The following WWTR1 variants were observed in gnomAD, a reference collection of about 807,000 sequenced individuals.
The protein encoded by WWTR1 is WW domain-containing transcription regulator protein 1.
WWTR1 carries 13 observed loss-of-function variants against 40.1 expected under a neutral mutation model. The ratio of observed to expected loss-of-function variants is 0.32; its 90% CI spans 0.21 to 0.52. The LOEUF (loss-of-function observed/expected upper bound fraction) is 0.52, where lower values mean the gene tolerates loss of function less well. Ranked by LOEUF, WWTR1 falls within the 20% of genes least tolerant of loss-of-function variation. The pLI is 0.97. For synonymous variants in WWTR1, 230 were observed against 210.1 expected, an observed-to-expected ratio of 1.09 and a Z score of -0.82; for missense variants, 436 against 523.1, an observed-to-expected ratio of 0.83 and a Z score of 1.63.
At chr3:149,610,024 G>A (rs1395305061) in intron 2 of WWTR1, among the ~76,000 whole-genome samples, 1 of 152,142 alleles carries the variant, frequency 6.6e-6, no homozygotes, top group Non-Finnish European at 1.5e-5. Flanking sequence ...GAAGGGCTCA[G>A]GCAGAAGAAA....
intron 2 of WWTR1, among the ~76,000 whole-genome samples, chr3:149,652,217 T>C (rs111566853): frequency 4.0e-4 from 61 of 152,036 alleles, no homozygotes; most frequent in African/African-American, 1.4e-3. Context: ...ATACAGGTTA[T>C]GGGTTCAGGG....
At chr3:149,549,230 G>A (rs1010913462) in intron 3 of WWTR1, among the ~76,000 whole-genome samples, 2 of 152,138 alleles carry the variant, frequency 1.3e-5, no homozygotes, top group African/African-American at 4.8e-5. Flanking sequence ...GAGTTGGGGG[G>A]CAACATTACT....
upstream of WWTR1, among the ~76,000 whole-genome samples, chr3:149,706,049 G>A (rs555046735): frequency 6.6e-6 from 1 of 152,172 alleles, no homozygotes; most frequent in East Asian, 1.9e-4. Context: ...AAATTAGCCA[G>A]GTGTGGTGGC....
At chr3:149,660,531 A>G (rs1455095269), upstream of WWTR1, among the ~76,000 whole-genome samples, 1 of 152,266 alleles carries the variant, frequency 6.6e-6, no homozygotes, top group Non-Finnish European at 1.5e-5. Context: ...GAATAATTCA[A>G]AAGATTTGCT....
At chr3:149,714,040 G>A (rs929845538) in intron 5 of WWTR1, among the ~76,000 whole-genome samples, 1 of 152,258 alleles carries the variant, frequency 6.6e-6, no homozygotes, top group Non-Finnish European at 1.5e-5. Context: ...GGCAGCCGCC[G>A]TGATGGGGCC....
intron 3 of WWTR1, among the ~76,000 whole-genome samples, chr3:149,543,908 TA>T (rs895408140): frequency 2.7e-5 from 4 of 149,946 alleles, no homozygotes; most frequent in East Asian, 3.9e-4. Flanking sequence ...AATATATGTA[TA>T]TTTTTTATAA....
intron 4 of WWTR1, among the ~76,000 whole-genome samples, chr3:149,541,280 C>T (rs1282936138): frequency 6.6e-6 from 1 of 152,212 alleles, no homozygotes; most frequent in African/African-American, 2.4e-5. Flanking sequence ...ATAGACCAAG[C>T]CACTGAAACA....
intron 1 of WWTR1, among the ~76,000 whole-genome samples, chr3:149,688,678 A>T (rs1346554459): frequency 6.6e-6 from 1 of 152,204 alleles, no homozygotes. Flanking sequence ...ATGTGAGTGC[A>T]AACAAGCCCA....
chr3:149,717,867 C>G (rs117130270), intron 4 of WWTR1, among the ~76,000 whole-genome samples: 2,096 of 152,084 alleles, frequency 0.014, 29 homozygotes, highest in East Asian at 0.063. Context: ...CTACTACTCA[C>G]AAGTAGTAAA....
At chr3:149,683,796 G>C (rs1194774724) in intron 1 of WWTR1, among the ~76,000 whole-genome samples, 1 of 152,234 alleles carries the variant, frequency 6.6e-6, no homozygotes, top group African/African-American at 2.4e-5. Flanking sequence ...AAGGGGGTGT[G>C]ACAGCCAAGG....
chr3:149,523,767 A>G (rs776321645), intron 6 of WWTR1, among the ~76,000 whole-genome samples: 2 of 152,120 alleles, frequency 1.3e-5, no homozygotes, highest in Non-Finnish European at 2.9e-5. Flanking sequence ...TTCTAGCCAC[A>G]CTTGAGCTCT....
chr3:149,542,931 G>T (rs778094825), intron 3 of WWTR1, among the ~76,000 whole-genome samples: 1 of 152,112 alleles, frequency 6.6e-6, no homozygotes, highest in Non-Finnish European at 1.5e-5. Flanking sequence ...CAGTTAATTT[G>T]TGTGTTTATG....
intron 4 of WWTR1, 68 bp from the exon 5 acceptor site, chr3:149,528,037 A>C: frequency 6.5e-7 from 1 of 1,542,464 alleles, no homozygotes; most frequent in Non-Finnish European, 8.7e-7. Context: ...AGTGTACTTC[A>C]CATCAAAACT....
At chr3:149,542,283 G>A in intron 4 of WWTR1, 52 bp downstream of exon 4, 1 of 1,580,950 alleles carries the variant, frequency 6.3e-7, no homozygotes, top group Non-Finnish European at 8.6e-7. Context: ...CTACCCATCA[G>A]CTTTGGCACC....
chr3:149,689,397 A>AT (rs1382831195), intron 1 of WWTR1, among the ~76,000 whole-genome samples: 1 of 143,602 alleles, frequency 7.0e-6, no homozygotes, highest in East Asian at 2.0e-4. Flanking sequence ...AAAAAAAAAA[A>AT]AAAAGCAAAG....
In WWTR1 at chr3:149,517,915, T is replaced by C. The variant is rs748899178; in HGVS notation, c.*2890A>G. ...ACAAAATTTTGGGGTGAAATGATGA[T>C]GTTTACTGATTGATTTAGTACTAAA... is the stretch of plus-strand genomic sequence containing the variant. On this transcript the variant is annotated 3_prime_UTR_variant, in exon 7 of 7. Coordinates refer to ENST00000360632, the MANE Select transcript of WWTR1 (RefSeq NM_015472.6). 6.6e-6 allele frequency: 1 copy of C among 152,190 alleles called. No homozygotes were observed. Among genetic ancestry groups the C allele is most frequent in the Non-Finnish European group, 1.5e-5 (1 of 68,024 alleles). 9.4% of individuals were successfully genotyped at this position (152,190 alleles called of 1,614,324 possible).
chr3:149,657,332 G>T (rs1560107341), intron 1 of WWTR1, 23 bp from the exon 2 acceptor site: 1 of 1,592,460 alleles, frequency 6.3e-7, no homozygotes, highest in Non-Finnish European at 8.6e-7. Flanking sequence ...GGTCAGATCA[G>T]CCTTTTATTT....
chr3:149,653,646 G>GA (rs1255410036), intron 2 of WWTR1, among the ~76,000 whole-genome samples: 6 of 152,178 alleles, frequency 3.9e-5, no homozygotes, highest in Non-Finnish European at 7.3e-5. Flanking sequence ...TCTTACCTGA[G>GA]AAAATGACAA....
rs368845286 is a variant in WWTR1, at chr3:149,651,992, ATTTTTTTT to A, written c.431+4876_431+4883del. On this transcript the variant is annotated intron_variant, in intron 2 of 6. Transcript: ENST00000360632. ...AGGCGCCCGCTGCCACGCCCGGCTAATTTTTTTTTTTTTTTTTTTTTTTGTATTTTTTA... is the reference window on the plus strand; with the variant it reads ...AGGCGCCCGCTGCCACGCCCGGCTAATTTTTTTTTTTTTTTGTATTTTTTA... Among the ~76,000 whole-genome samples the A allele has an allele frequency of 2.7e-3, 250 of 93,702 alleles. 2 individuals are homozygous for A. Among genetic ancestry groups the A allele is most frequent in the African/African-American group, 8.7e-3 (222 of 25,412 alleles). The allele number at this position is 93,702 out of a possible 152,430, so 61.5% of individuals were successfully genotyped here. A position where few individuals can be genotyped will look rare whatever the true frequency, so the allele number is the denominator to read the frequency against.
Sources: gnomAD v4.1 joint callset for allele counts (sites outside exome capture counted in the v4.1 genomes callset) on GRCh38, gnomAD v4.1.1 for gene constraint, MANE v1.5 for transcripts, NCBI Gene and HGNC (gene_info 2026-07-23, HGNC 2026-07-21) for gene names.